Variants in NRG3 observed in about 807,000 individuals in gnomAD.
NRG3 encodes the protein pro-neuregulin-3, membrane-bound isoform.
NRG3 carries 31 observed loss-of-function variants against 66.9 expected under a neutral mutation model. The observed-to-expected ratio is 0.46, with a 90% CI of 0.35 to 0.63. The LOEUF (loss-of-function observed/expected upper bound fraction) is 0.63, where lower values mean the gene tolerates loss of function less well. Among genes scored for constraint, NRG3 ranks in the 20% least tolerant of loss-of-function variants. The pLI is 0.00. For synonymous variants in NRG3, 393 were observed against 359.4 expected, an observed-to-expected ratio of 1.09 and a Z score of -1.06; for missense variants, 910 against 878.9, an observed-to-expected ratio of 1.04 and a Z score of -0.45.
chr10:82,581,186 G>A (rs2046337388), intron 2 of NRG3, among the ~76,000 whole-genome samples: 1 of 152,014 alleles, frequency 6.6e-6, no homozygotes, highest in Admixed American at 6.6e-5. Flanking sequence ...AATGACATGT[G>A]ATGTTGGGTA....
At chr10:82,410,176 T>A (rs896467049) in intron 2 of NRG3, among the ~76,000 whole-genome samples, 1 of 152,064 alleles carries the variant, frequency 6.6e-6, no homozygotes, top group African/African-American at 2.4e-5. Flanking sequence ...CTGCTACAGA[T>A]TTCTTAATGA....
intron 1 of NRG3, among the ~76,000 whole-genome samples, chr10:82,133,284 G>C (rs1016836024): frequency 2.0e-5 from 3 of 151,642 alleles, no homozygotes; most frequent in Admixed American, 6.6e-5. Flanking sequence ...TTTAGGTTTG[G>C]GGATATATGT....
chr10:82,648,695 G>T (rs572451132), intron 2 of NRG3, among the ~76,000 whole-genome samples: 1 of 152,138 alleles, frequency 6.6e-6, no homozygotes, highest in Non-Finnish European at 1.5e-5. Flanking sequence ...GCAGTGGTTT[G>T]TAGTTCTCCT....
intron 2 of NRG3, among the ~76,000 whole-genome samples, chr10:82,512,557 C>T (rs1259775825): frequency 1.3e-5 from 2 of 152,102 alleles, no homozygotes; most frequent in East Asian, 1.9e-4. Flanking sequence ...TATGGGCCAC[C>T]GCGCCCTGCC....
intron 3 of NRG3, among the ~76,000 whole-genome samples, chr10:82,775,145 A>G (rs971489623): frequency 6.6e-6 from 1 of 150,602 alleles, no homozygotes; most frequent in African/African-American, 2.4e-5. Flanking sequence ...ATTTCTTCTG[A>G]TAAATTTGGG....
chr10:82,770,129 G>A (rs1377041271), intron 3 of NRG3, among the ~76,000 whole-genome samples: 3 of 152,100 alleles, frequency 2.0e-5, no homozygotes, highest in South Asian at 4.1e-4. Context: ...GTTTTTACAT[G>A]TACTCTTACT....
intron 6 of NRG3, among the ~76,000 whole-genome samples, chr10:82,970,986 A>G (rs1851670900): frequency 6.6e-6 from 1 of 152,208 alleles, no homozygotes; most frequent in Non-Finnish European, 1.5e-5. Flanking sequence ...CATGGTGCCA[A>G]CATCTGCTTC....
chr10:82,097,441 ATC>A (rs1265758904), intron 1 of NRG3, among the ~76,000 whole-genome samples: 1 of 132,398 alleles, frequency 7.6e-6, no homozygotes, highest in African/African-American at 2.8e-5. Context: ...ATATATATAT[ATC>A]TGTAATATAT....
intron 1 of NRG3, among the ~76,000 whole-genome samples, chr10:81,989,534 G>C (rs1394026742): frequency 6.6e-6 from 1 of 152,180 alleles, no homozygotes; most frequent in Non-Finnish European, 1.5e-5. Context: ...TGGAGAATTT[G>C]AAGATGAATC....
chr10:82,930,652 T>C (rs1414797314), intron 4 of NRG3, among the ~76,000 whole-genome samples: 1 of 152,226 alleles, frequency 6.6e-6, no homozygotes, highest in African/African-American at 2.4e-5. Context: ...TATAGTTTTT[T>C]CCATATTTTC....
intron 5 of NRG3, among the ~76,000 whole-genome samples, chr10:82,954,139 A>C (rs1285263583): frequency 1.3e-5 from 2 of 151,948 alleles, no homozygotes; most frequent in African/African-American, 2.4e-5. Flanking sequence ...CACACCCAGC[A>C]GGGTGGTAGT....
At chr10:82,434,404 C>T (rs1299084627) in intron 2 of NRG3, among the ~76,000 whole-genome samples, 4 of 152,010 alleles carry the variant, frequency 2.6e-5, no homozygotes, top group Admixed American at 2.6e-4. Flanking sequence ...ACAGGGACAA[C>T]TTGACTTCCT....
chr10:82,802,618 A>G (rs2061091749), intron 3 of NRG3, among the ~76,000 whole-genome samples: 4 of 152,080 alleles, frequency 2.6e-5, no homozygotes, highest in Non-Finnish European at 5.9e-5. Flanking sequence ...AGGACAACCC[A>G]TGGAGTAGTA....
At chr10:82,304,014 C>T (rs961167961) in intron 1 of NRG3, among the ~76,000 whole-genome samples, 7 of 152,056 alleles carry the variant, frequency 4.6e-5, no homozygotes, top group African/African-American at 1.7e-4. Flanking sequence ...GGCCAGTATG[C>T]CTAGGATACA....
chr10:82,672,216 G>A lies in NRG3; in HGVS notation c.954-66361G>A, dbSNP rs770074792. The stretch of plus-strand genomic sequence containing the variant: ...TACTAGGAAAGAAATGTTTTAGGCA[G>A]TGGGGACAGAAAGTGCAAAGGGTGC... On this transcript the variant is annotated intron_variant, in intron 2 of 8. Coordinates refer to ENST00000372141, the MANE Select transcript of NRG3 (RefSeq NM_001010848.4). Among the ~76,000 whole-genome samples the A allele has an allele frequency of 2.0e-5, 3 of 152,190 alleles. No individual in the cohort carries two copies. In the South Asian group the frequency reaches 6.2e-4, roughly 31 times the overall value.
intron 1 of NRG3, among the ~76,000 whole-genome samples, chr10:82,218,025 C>G (rs968700474): frequency 4.6e-5 from 7 of 151,990 alleles, no homozygotes; most frequent in African/African-American, 1.5e-4. Context: ...TTTCAACATT[C>G]TAGTACTGTA....
intron 1 of NRG3, among the ~76,000 whole-genome samples, chr10:82,140,505 A>G (rs2069688787): frequency 6.6e-6 from 1 of 152,154 alleles, no homozygotes; most frequent in Non-Finnish European, 1.5e-5. Context: ...TATTTAATTC[A>G]TTTATTAAAT....
chr10:82,900,865 AT>A (rs1015663598), intron 4 of NRG3, among the ~76,000 whole-genome samples: 3 of 152,082 alleles, frequency 2.0e-5, no homozygotes, highest in Non-Finnish European at 4.4e-5. Flanking sequence ...TTTAAAGGAA[AT>A]TTTTTTCATG....
intron 2 of NRG3, among the ~76,000 whole-genome samples, chr10:82,361,624 A>G (rs2084148711): frequency 6.6e-6 from 1 of 152,258 alleles, no homozygotes; most frequent in African/African-American, 2.4e-5. Flanking sequence ...AAATACATAC[A>G]GAAATGAATT....
Sources: gnomAD v4.1 joint callset for allele counts (sites outside exome capture counted in the v4.1 genomes callset) on GRCh38, gnomAD v4.1.1 for gene constraint, MANE v1.5 for transcripts, NCBI Gene and HGNC (gene_info 2026-07-23, HGNC 2026-07-21) for gene names.